PADI4: variants seen among roughly 807,000 people sequenced by gnomAD.
The protein encoded by PADI4 is peptidyl arginine deiminase 4.
Under a neutral mutation model 75.0 loss-of-function variants are expected in PADI4, and 62 were observed. The observed-to-expected ratio is 0.83, with a 90% CI of 0.67 to 1.02. The LOEUF (loss-of-function observed/expected upper bound fraction) is 1.02. PADI4 is among the 50% of genes least tolerant of loss of function. PADI4 has a pLI of 0.00. For synonymous variants in PADI4, 361 were observed against 348.1 expected (o/e 1.04, Z -0.41); for missense variants, 845 against 850.5 (o/e 0.99, Z 0.08).
chr1:17,347,908 G>A (rs759514622), intron 9 of PADI4, 33 bp from the exon 10 acceptor site: 12 of 1,323,292 alleles, frequency 9.1e-6, no homozygotes, highest in African/African-American at 2.9e-5. Flanking sequence ...CAGGCAGCAC[G>A]CGCAACAGCC....
intron 3 of PADI4, among the ~76,000 whole-genome samples, chr1:17,335,082 A>G (rs1035152756): frequency 6.6e-6 from 1 of 152,148 alleles, no homozygotes; most frequent in Non-Finnish European, 1.5e-5. Context: ...GGTCAAGACT[A>G]CATGATTGTG....
Position 17,342,214 on chromosome 1 carries a change from G to C in PADI4, c.832-85G>C. ...GGTACAGAGCCCAGCTGGGCAGGGG[G>C]ACTCCAAACAGCTGCAGGAAGTGGT... On this transcript the variant is annotated intron_variant, in intron 7 of 15. Transcript: ENST00000375448. 6 of 1,442,656 alleles carry C rather than the reference G, an allele frequency of 4.2e-6. No individual in the cohort carries two copies. The Admixed American group carries it at 6.8e-5, about 16-fold the overall frequency. The allele number at this position is 1,442,656 out of a possible 1,614,324, so 89.4% of individuals were successfully genotyped here. A position where few individuals can be genotyped will look rare whatever the true frequency, so the allele number is the denominator to read the frequency against.
At chr1:17,324,328 C>T (rs1380588799) in intron 1 of PADI4, among the ~76,000 whole-genome samples, 2 of 151,668 alleles carry the variant, frequency 1.3e-5, no homozygotes, top group Non-Finnish European at 2.9e-5. Flanking sequence ...AGGTGGAGTG[C>T]CTCTTCATGT....
intron 10 of PADI4, among the ~76,000 whole-genome samples, chr1:17,349,787 T>G (rs376321029): frequency 1.9e-5 from 2 of 105,248 alleles, no homozygotes; most frequent in African/African-American, 9.3e-5. Context: ...GGAGAAAAAG[T>G]CACACTCAGC....
At position 17,356,189 on chromosome 1, in the gene PADI4, G is replaced by T; in HGVS notation, c.1455+62G>T. 2 of 1,556,842 alleles carry T rather than the reference G, an allele frequency of 1.3e-6. 1 individual carries two copies. The highest frequency in any genetic ancestry group is 2.3e-5 in the South Asian group (2 of 87,224). On this transcript the variant is annotated intron_variant, in intron 12 of 15. Coordinates refer to ENST00000375448, the MANE Select transcript of PADI4 (RefSeq NM_012387.3). The surrounding 1 kb of genome is among the most constrained non-coding windows in gnomAD (Gnocchi z 4.1). ...CCTTCCTGGGTAGACCCTCTGCCTG[G>T]GGTGGGAGCAACTTTACTTGTCTAT...
At position 17,331,142 on chromosome 1, in the gene PADI4, A is replaced by G. The variant is rs756862855; in HGVS notation, c.266A>G (p.Asp89Gly). 1.2e-6 allele frequency: 2 copies of G among 1,609,794 alleles called. No homozygotes were observed. The highest frequency in any genetic ancestry group is 1.7e-6 in the Non-Finnish European group (2 of 1,178,158). The stretch of plus-strand genomic sequence containing the variant: ...AAAGTGGCCAGTGGTAGCACAGGCG[A>G]CCAGAAGGTGAGTGTCATAGCTGTG... ...TMKVASGSTG[D>G]QKVQISYYGP... Residue 89 changes from aspartate to glycine, a missense_variant, in exon 2 of 16, where the codon GAC becomes GGC. By Grantham distance (94) the Asp-to-Gly change is moderately conservative. Coordinates refer to ENST00000375448, the MANE Select transcript of PADI4 (RefSeq NM_012387.3).
Position 17,363,748 on chromosome 1 carries a change from T to G in PADI4, c.1985T>G (p.Val662Gly). Residue 662 changes from valine to glycine, a missense_variant, in exon 16 of 16, where the codon GTG becomes GGG. Val to Gly is a moderately radical substitution (Grantham distance 109, BLOSUM62 -3). Coordinates refer to ENST00000375448, the MANE Select transcript of PADI4 (RefSeq NM_012387.3). Reference protein sequence around the residue: ...KPFSFKWWNMVP With the variant: ...KPFSFKWWNMGP ...TTCTCCTTCAAGTGGTGGAACATGG[T>G]GCCCTGAGCCCATCTTCCCTGGCGT... is the stretch of plus-strand genomic sequence containing the variant. 1 of 1,609,498 alleles carries G rather than the reference T, an allele frequency of 6.2e-7. No homozygotes were observed.
At chr1:17,348,167 T>C in intron 10 of PADI4, 119 bp downstream of exon 10, 1 of 564,676 alleles carries the variant, frequency 1.8e-6, no homozygotes, top group Non-Finnish European at 3.2e-6. Flanking sequence ...TGCAAGGAGG[T>C]GGAATTCCTA....
intron 13 of PADI4, among the ~76,000 whole-genome samples, 180 bp from the exon 14 acceptor site, chr1:17,358,658 G>C (rs902354395): frequency 6.6e-6 from 1 of 151,974 alleles, no homozygotes; most frequent in African/African-American, 2.4e-5. Context: ...AACTTATACT[G>C]CTAAAATATT....
intron 1 of PADI4, among the ~76,000 whole-genome samples, chr1:17,312,977 G>C (rs1463709770): frequency 6.6e-6 from 1 of 151,514 alleles, no homozygotes; most frequent in Non-Finnish European, 1.5e-5. Flanking sequence ...AGATCATGAG[G>C]TCAAGGGATG....
chr1:17,341,624 C>T (rs1476658171), intron 6 of PADI4, among the ~76,000 whole-genome samples: 1 of 152,200 alleles, frequency 6.6e-6, no homozygotes, highest in Non-Finnish European at 1.5e-5. Flanking sequence ...CCCTGCTGTG[C>T]CCCTGTCCCC....
chr1:17,330,696 TC>T (rs533855094), intron 1 of PADI4, among the ~76,000 whole-genome samples: 33 of 152,248 alleles, frequency 2.2e-4, no homozygotes, highest in Middle Eastern at 3.4e-3. Flanking sequence ...TCCCACCTCT[TC>T]CACCTGTTTT....
chr1:17,355,660 C>T (rs1354007696), intron 11 of PADI4, among the ~76,000 whole-genome samples: 1 of 152,060 alleles, frequency 6.6e-6, no homozygotes, highest in Non-Finnish European at 1.5e-5. Flanking sequence ...AACAAGAGAT[C>T]ACCGACTTAG....
chr1:17,334,856 T>C (rs2074281613), intron 3 of PADI4: 1 of 278,512 alleles, frequency 3.6e-6, no homozygotes, highest in African/African-American at 2.3e-5. Flanking sequence ...AACATATAAG[T>C]AGCAGCCAGA....
At position 17,308,249 on chromosome 1, in the gene PADI4, G is replaced by C. The variant is rs766332674; in HGVS notation, c.27G>C (p.Val9=). 5.6e-6 allele frequency: 9 copies of C among 1,614,118 alleles called. No homozygotes were observed. The Admixed American group carries it at 8.3e-5, about 15-fold the overall frequency. The change falls in exon 1 of 16, where the codon GTG becomes GTC. Residue 9 remains valine, a synonymous_variant. Coordinates refer to ENST00000375448, the MANE Select transcript of PADI4 (RefSeq NM_012387.3). ...TGGCCCAGGGGACATTGATCCGTGT[G>C]ACCCCAGAGCAGCCCACCCATGCCG... The part of the protein sequence containing the change: MAQGTLIR[V]TPEQPTHAVC...
chr1:17,362,078 A>T (rs187621881), intron 15 of PADI4, among the ~76,000 whole-genome samples: 27 of 152,214 alleles, frequency 1.8e-4, no homozygotes, highest in African/African-American at 5.8e-4. Context: ...CATGGGCAGC[A>T]TCAGAAAGAA....
rs1047847787 is a variant in PADI4 at position 17,356,557 on chromosome 1, C to G, written c.1558+98C>G. 3 of 710,384 alleles carry G rather than the reference C, an allele frequency of 4.2e-6. No individual in the cohort carries two copies. Among genetic ancestry groups the G allele is most frequent in the Non-Finnish European group, 7.4e-6 (3 of 403,290 alleles). 44.0% of individuals were successfully genotyped at this position (710,384 alleles called of 1,614,324 possible). A position where few individuals can be genotyped will look rare whatever the true frequency, so the allele number is the denominator to read the frequency against. On this transcript the variant is annotated intron_variant, in intron 13 of 15. Coordinates refer to ENST00000375448, the MANE Select transcript of PADI4 (RefSeq NM_012387.3). The surrounding 1 kb of genome is among the most constrained non-coding windows in gnomAD (Gnocchi z 4.1). ...AATCATCCAGGCAATAGGGTAGCAT[C>G]TGAGCACCTACTGTGCGCCAGGCAC...
chr1:17,363,375 A>C, intron 15 of PADI4, 147 bp from the exon 16 acceptor site: 1 of 606,674 alleles, frequency 1.6e-6, no homozygotes, highest in East Asian at 2.8e-5. Context: ...CTCCTGCCTC[A>C]GCCTCCCAAA....
chr1:17,325,742 T>TCAGC (rs2074107852), intron 1 of PADI4, among the ~76,000 whole-genome samples: 1 of 151,530 alleles, frequency 6.6e-6, no homozygotes, highest in Non-Finnish European at 1.5e-5. Flanking sequence ...AGAGTCTCAC[T>TCAGC]CTGTTACCCA....
Sources: gnomAD v4.1 joint callset for allele counts (sites outside exome capture counted in the v4.1 genomes callset) on GRCh38, gnomAD v4.1.1 for gene constraint, Gnocchi (gnomAD v3.1) non-coding constraint, MANE v1.5 for transcripts, NCBI Gene and HGNC (gene_info 2026-07-23, HGNC 2026-07-21) for gene names.